The following UNC79 variants were observed in gnomAD, a reference collection of about 807,000 sequenced individuals.
UNC79 encodes the protein protein unc-79 homolog.
UNC79 carries 37 observed loss-of-function variants against 283.1 expected under a neutral mutation model. The ratio of observed to expected loss-of-function variants is 0.13; its 90% CI spans 0.10 to 0.17. The LOEUF (loss-of-function observed/expected upper bound fraction) is 0.17. Ranked by LOEUF, UNC79 falls within the 10% of genes least tolerant of loss-of-function variation. The pLI is 1.00. For missense variants in UNC79, 2,272 were observed against 3,211.1 expected, an observed-to-expected ratio of 0.71 and a Z score of 7.07; for synonymous variants, 1,107 against 1,200.2, an observed-to-expected ratio of 0.92 and a Z score of 1.61.
chr14:93,622,968 G>A, intron 30 of UNC79, 127 bp downstream of exon 32: 1 of 1,261,430 alleles, frequency 7.9e-7, no homozygotes, highest in Non-Finnish European at 1.1e-6. Context: ...CATTATAATG[G>A]CTTCTCAATC....
chr14:93,691,770 T>A, exon 46 of UNC79: 1 of 1,614,170 alleles, frequency 6.2e-7, no homozygotes, highest in Non-Finnish European at 8.5e-7. Context: ...GCACATGTGC[T>A]CCCTCTTCCA....
intron 1 of UNC79, among the ~76,000 whole-genome samples, chr14:93,382,780 CT>C (rs1168954859): frequency 2.0e-5 from 3 of 149,862 alleles, no homozygotes; most frequent in Non-Finnish European, 3.0e-5. Flanking sequence ...TCCATTTTAT[CT>C]TCCTCCTCAT....
chr14:93,574,080 T>C (rs575061831), intron 16 of UNC79, among the ~76,000 whole-genome samples: 14 of 152,376 alleles, frequency 9.2e-5, no homozygotes, highest in African/African-American at 3.4e-4. Context: ...TGGATTTCAG[T>C]AAGGTAATTC....
chr14:93,630,979 A>G (rs568740202), intron 31 of UNC79, 71 bp downstream of exon 33: 7 of 1,376,258 alleles, frequency 5.1e-6, no homozygotes, highest in South Asian at 4.7e-5. Flanking sequence ...CTTGTTTTCA[A>G]TTTTCCCAAT....
intron 7 of UNC79, among the ~76,000 whole-genome samples, chr14:93,517,919 C>CTGTG (rs3060642): frequency 0.045 from 6,601 of 147,676 alleles, 178 homozygotes; most frequent in African/African-American, 0.087. Context: ...GTGTGTGTGT[C>CTGTG]TGTGTGTGTG....
chr14:93,428,768 C>A (rs1476031497), upstream of UNC79, among the ~76,000 whole-genome samples: 1 of 152,160 alleles, frequency 6.6e-6, no homozygotes, highest in Non-Finnish European at 1.5e-5. Context: ...TTATTCCTGA[C>A]AACCTTTAAT....
chr14:93,662,562 G>A (rs1459572321), intron 39 of UNC79, 42 bp from the exon 43 acceptor site: 2 of 1,297,910 alleles, frequency 1.5e-6, no homozygotes, highest in Non-Finnish European at 2.2e-6. Flanking sequence ...TTGAAATGAA[G>A]TAATCAGCAA....
rs908600396 is a variant in UNC79 at position 93,559,393 on chromosome 14, C to T, written c.1756-12501C>T. 2.0e-5 allele frequency among the ~76,000 whole-genome samples: 3 copies of T among 152,352 alleles called. 1 individual carries two copies. Among genetic ancestry groups the T allele is most frequent in the Admixed American group, 2.0e-4 (3 of 15,306 alleles). ...CTACTAAGCTAGTGGAGGAAATTTT[C>T]ATGCACGTCTGTGTGAAAAGACCAC... is the stretch of plus-strand genomic sequence containing the variant. On this transcript the variant is annotated intron_variant, in intron 14 of 48. Coordinates refer to ENST00000555664, the Ensembl canonical transcript of UNC79.
At chr14:93,687,959 T>C (rs1437732769) in intron 43 of UNC79, among the ~76,000 whole-genome samples, 2 of 152,192 alleles carry the variant, frequency 1.3e-5, no homozygotes, top group African/African-American at 4.8e-5. Context: ...GGCAAGTGGC[T>C]TATCTAAGGC....
At position 93,629,001 on chromosome 14, in the gene UNC79, C is replaced by T. The variant is rs2067801110; in HGVS notation, c.5609-1800C>T. On this transcript the variant is annotated intron_variant, in intron 30 of 48. Coordinates refer to ENST00000555664, the Ensembl canonical transcript of UNC79. The stretch of plus-strand genomic sequence containing the variant: ...ATCACCTGAGGTCAGGAGTTCGAGA[C>T]CAGTCTGGCCAACATGGTGAAACCC... Among the ~76,000 whole-genome samples the T allele has an allele frequency of 2.0e-5, 3 of 152,248 alleles. No homozygotes were observed. The South Asian group carries it at 6.2e-4, about 32-fold the overall frequency.
In UNC79 at chr14:93,593,727, C is replaced by T; in HGVS notation, c.3080C>T (p.Ala1027Val). The T allele has an allele frequency of 2.5e-6, 4 of 1,613,688 alleles. No individual in the cohort carries two copies. The East Asian group carries it at 8.9e-5, about 36-fold the overall frequency. Reference sequence around the variant, plus strand: ...GAGTTCTCTCAGCTGTCTTCCCTGGCAGTCCCTCTTCTCCTCCATGCCCTG... The same window carrying T: ...GAGTTCTCTCAGCTGTCTTCCCTGGTAGTCCCTCTTCTCCTCCATGCCCTG... The change falls in exon 23 of 49, where the codon GCA becomes GTA. Residue 1027 changes from alanine to valine, a missense_variant. Ala to Val is a moderately conservative substitution (Grantham distance 64, BLOSUM62 0). Coordinates refer to ENST00000555664, the Ensembl canonical transcript of UNC79.
intron 1 of UNC79, among the ~76,000 whole-genome samples, chr14:93,391,095 C>T (rs1476290671): frequency 6.6e-6 from 1 of 152,072 alleles, no homozygotes; most frequent in Non-Finnish European, 1.5e-5. Flanking sequence ...ACAGTGGTAT[C>T]AGCACAAAAA....
intron 1 of UNC79, among the ~76,000 whole-genome samples, chr14:93,364,596 A>G (rs1489955754): frequency 2.3e-4 from 10 of 42,714 alleles, no homozygotes; most frequent in Admixed American, 7.0e-4. Context: ...GGGGCCTGGG[A>G]TAATCGTCAG....
intron 1 of UNC79, among the ~76,000 whole-genome samples, chr14:93,407,292 T>G (rs919449185): frequency 6.6e-6 from 1 of 152,164 alleles, no homozygotes; most frequent in South Asian, 2.1e-4. Flanking sequence ...ACTAGAGAGA[T>G]AGGCAAATAC....
At chr14:93,488,948 A>C (rs2058590939) in intron 5 of UNC79, among the ~76,000 whole-genome samples, 1 of 152,170 alleles carries the variant, frequency 6.6e-6, no homozygotes, top group African/African-American at 2.4e-5. Context: ...ACTAATTTAA[A>C]AATTTTTTTA....
chr14:93,432,248 T>C (rs1439210194), intron 1 of UNC79, among the ~76,000 whole-genome samples: 1 of 152,254 alleles, frequency 6.6e-6, no homozygotes, highest in Non-Finnish European at 1.5e-5. Flanking sequence ...CTTATAGAAT[T>C]CTCAGATTGA....
chr14:93,474,666 T>C lies in UNC79; in HGVS notation c.448+273T>C, dbSNP rs370872879. ...ATGTATAACAAGAAATTTTCTCTTCTTTCCTGATCAGTTATCATGAGGACT... is the reference window on the plus strand; with the variant it reads ...ATGTATAACAAGAAATTTTCTCTTCCTTCCTGATCAGTTATCATGAGGACT... On this transcript the variant is annotated intron_variant, in intron 3 of 48. Coordinates refer to ENST00000555664, the Ensembl canonical transcript of UNC79. This position sits in a 1 kb window ranked among gnomAD's most constrained non-coding sequence, Gnocchi z 4.1. Among the ~76,000 whole-genome samples, 14 of 152,314 alleles carry C rather than the reference T, an allele frequency of 9.2e-5. No homozygotes were observed. Among genetic ancestry groups the C allele is most frequent in the African/African-American group, 2.2e-4 (9 of 41,562 alleles).
intron 5 of UNC79, among the ~76,000 whole-genome samples, chr14:93,493,786 C>T (rs2058852880): frequency 6.7e-6 from 1 of 148,746 alleles, no homozygotes; most frequent in South Asian, 2.1e-4. Flanking sequence ...AGGGAGGCCT[C>T]AGAAAACTCA....
At chr14:93,589,036 G>A (rs1287443930) in intron 22 of UNC79, among the ~76,000 whole-genome samples, 2 of 152,130 alleles carry the variant, frequency 1.3e-5, no homozygotes, top group Admixed American at 1.3e-4. Flanking sequence ...CATTGTGTTG[G>A]GAACTTCAGG....
Sources: allele counts gnomAD v4.1 joint callset (sites outside exome capture counted in the v4.1 genomes callset), GRCh38; gene constraint gnomAD v4.1.1; non-coding constraint Gnocchi (gnomAD v3.1); transcripts MANE v1.5; gene names NCBI Gene and HGNC (gene_info 2026-07-23, HGNC 2026-07-21).